FOXK2: variants seen among roughly 807,000 people sequenced by gnomAD.
FOXK2 encodes forkhead box K2, also known as forkhead box protein K2.
Under a neutral mutation model 53.3 loss-of-function variants are expected in FOXK2, and 24 were observed. That is an observed-to-expected ratio of 0.45 (90% CI 0.33 to 0.63). FOXK2 has a LOEUF of 0.63. FOXK2 is among the 30% of genes least tolerant of loss of function. The pLI is 0.03. For synonymous variants in FOXK2, 505 were observed against 407.1 expected, an observed-to-expected ratio of 1.24 and a Z score of -2.89; for missense variants, 952 against 910.5, an observed-to-expected ratio of 1.05 and a Z score of -0.59.
chr17:82,601,768 C>T lies in FOXK2; in HGVS notation c.*269C>T, dbSNP rs2045388895. Reference sequence around the variant, plus strand: ...CTACCTACGAGTGAAACTCTGTCCTCCCGCGAGGACCAGGCATCGCTGTGT... The same window carrying T: ...CTACCTACGAGTGAAACTCTGTCCTTCCGCGAGGACCAGGCATCGCTGTGT... On this transcript the variant is annotated 3_prime_UTR_variant, in exon 9 of 9. Coordinates refer to ENST00000335255, the MANE Select transcript of FOXK2 (RefSeq NM_004514.4). 2 of 363,678 alleles carry T rather than the reference C, an allele frequency of 5.5e-6. No homozygotes were observed. The highest frequency in any genetic ancestry group is 1.1e-4 in the South Asian group (2 of 18,596). 22.5% of individuals were successfully genotyped at this position (363,678 alleles called of 1,614,324 possible). A position where few individuals can be genotyped will look rare whatever the true frequency, so the allele number is the denominator to read the frequency against.
At chr17:82,581,883 A>T (rs192960905) in intron 4 of FOXK2, among the ~76,000 whole-genome samples, 1 of 152,152 alleles carries the variant, frequency 6.6e-6, no homozygotes, top group Non-Finnish European at 1.5e-5. Flanking sequence ...TGTAATAGAA[A>T]GAATGATGCA....
In FOXK2 at chr17:82,603,109, A is replaced by G. The variant is rs1242541996; in HGVS notation, c.*1610A>G. 1 of 152,556 alleles carries G rather than the reference A, an allele frequency of 6.6e-6. No individual in the cohort carries two copies. The highest frequency in any genetic ancestry group is 1.9e-4 in the East Asian group (1 of 5,194). 9.5% of individuals were successfully genotyped at this position (152,556 alleles called of 1,614,324 possible). ...GGGCAGCGTCACTGCGGTGACGCCC[A>G]TTGAAAGGTATGAAATGACTGCACA... On this transcript the variant is annotated 3_prime_UTR_variant, in exon 9 of 9. Transcript: ENST00000335255.
chr17:82,568,826 A>G (rs2143027587), intron 3 of FOXK2, among the ~76,000 whole-genome samples: 2 of 151,854 alleles, frequency 1.3e-5, no homozygotes, highest in South Asian at 2.1e-4. Flanking sequence ...CCTGGTCAAC[A>G]TGGTTAAACC....
At chr17:82,564,205 A>T (rs568474872) in intron 2 of FOXK2, among the ~76,000 whole-genome samples, 14 of 149,804 alleles carry the variant, frequency 9.3e-5, no homozygotes, top group African/African-American at 3.5e-4. Flanking sequence ...CTCCTGCCTC[A>T]GCCTCCTGAG....
At chr17:82,526,102 G>T (rs2044416423) in intron 1 of FOXK2, among the ~76,000 whole-genome samples, 1 of 152,194 alleles carries the variant, frequency 6.6e-6, no homozygotes, top group South Asian at 2.1e-4. Flanking sequence ...ATCAGAGACA[G>T]TATCTTCCAA....
intron 4 of FOXK2, chr17:82,578,429 G>A (rs921575176): frequency 1.3e-5 from 2 of 152,086 alleles, no homozygotes; most frequent in African/African-American, 4.8e-5. Flanking sequence ...AACAGCCCAC[G>A]TTTTCTCTGA....
intron 1 of FOXK2, among the ~76,000 whole-genome samples, chr17:82,546,546 C>T (rs1010176160): frequency 5.7e-4 from 86 of 152,182 alleles, no homozygotes; most frequent in South Asian, 6.2e-4. Flanking sequence ...CTGCAGGTCC[C>T]GAGTGGAGGG....
chr17:82,595,961 C>T, intron 8 of FOXK2: 5 of 1,223,314 alleles, frequency 4.1e-6, no homozygotes, highest in Non-Finnish European at 5.2e-6. Flanking sequence ...GAGACACCTA[C>T]AGCGTGGATG....
At chr17:82,558,690 A>G (rs1194963837) in intron 1 of FOXK2, among the ~76,000 whole-genome samples, 2 of 151,988 alleles carry the variant, frequency 1.3e-5, no homozygotes, top group African/African-American at 2.4e-5. Context: ...TTCAGGGTGG[A>G]CATGGAATAA....
intron 1 of FOXK2, among the ~76,000 whole-genome samples, chr17:82,529,825 A>G (rs147887445): frequency 9.2e-5 from 14 of 152,312 alleles, no homozygotes; most frequent in African/African-American, 2.9e-4. Context: ...AGAAGATACA[A>G]CTAGGTCCCT....
intron 8 of FOXK2, chr17:82,588,521 T>A: frequency 6.3e-6 from 1 of 157,962 alleles, no homozygotes; most frequent in Non-Finnish European, 1.4e-5. Context: ...CTGGTCTTAG[T>A]CACTCCCAGT....
At chr17:82,557,758 C>T (rs2044747216) in intron 1 of FOXK2, among the ~76,000 whole-genome samples, 1 of 152,204 alleles carries the variant, frequency 6.6e-6, no homozygotes, top group Admixed American at 6.5e-5. Context: ...AAGCAATCCT[C>T]CTGCCTCAGC....
Position 82,601,183 on chromosome 17 carries a change from C to A in FOXK2, c.1787-120C>A, listed in dbSNP as rs35004865. ...TGGGAGTGGCAGGACCCTTAGAGGG[C>A]GAGAGTTCACATGAGAGCGTGGGGT... On this transcript the variant is annotated intron_variant, in intron 8 of 8. Transcript: ENST00000335255. 5 of 1,094,210 alleles carry A rather than the reference C, an allele frequency of 4.6e-6. No individual in the cohort carries two copies. In the African/African-American group the frequency reaches 4.7e-5, roughly 10 times the overall value. 67.8% of individuals were successfully genotyped at this position (1,094,210 alleles called of 1,614,324 possible).
At chr17:82,577,431 C>G (rs73999995) in intron 4 of FOXK2, 4,767 of 405,836 alleles carry the variant, frequency 0.012, 232 homozygotes, top group African/African-American at 0.094. Flanking sequence ...CGCCTGTGGC[C>G]CAACCTGCAT....
At position 82,601,644 on chromosome 17, in the gene FOXK2, A is replaced by C; in HGVS notation, c.*145A>C. On this transcript the variant is annotated 3_prime_UTR_variant, in exon 9 of 9. Coordinates refer to ENST00000335255, the MANE Select transcript of FOXK2 (RefSeq NM_004514.4). The stretch of plus-strand genomic sequence containing the variant: ...AACCCAAAACCCAGCTGGCCTTAAC[A>C]CTCCTTAAAGACAGAAGTCACACTT... The C allele has an allele frequency of 4.2e-6, 3 of 720,362 alleles. No homozygotes were observed. Among genetic ancestry groups the C allele is most frequent in the Admixed American group, 3.0e-5 (1 of 33,666 alleles). 44.6% of individuals were successfully genotyped at this position (720,362 alleles called of 1,614,324 possible). A position where few individuals can be genotyped will look rare whatever the true frequency, so the allele number is the denominator to read the frequency against.
Position 82,601,217 on chromosome 17 carries a change from G to T in FOXK2, c.1787-86G>T, listed in dbSNP as rs532893391. ...ACATGAGAGCGTGGGGTTCTGACTC[G>T]CGAGGGTTCACGTGAGAGCGTGGGG... On this transcript the variant is annotated intron_variant, in intron 8 of 8. Transcript: ENST00000335255. 4.3e-6 allele frequency: 6 copies of T among 1,399,348 alleles called. No homozygotes were observed. The Admixed American group carries it at 5.8e-5, about 14-fold the overall frequency. 86.7% of individuals were successfully genotyped at this position (1,399,348 alleles called of 1,614,324 possible).
intron 4 of FOXK2, among the ~76,000 whole-genome samples, chr17:82,575,977 G>A (rs924282680): frequency 5.6e-5 from 7 of 125,578 alleles, no homozygotes; most frequent in Admixed American, 5.0e-4. Context: ...GGGTGGCGGC[G>A]GCGGGTTCGT....
At chr17:82,528,385 G>A (rs913264753) in intron 1 of FOXK2, among the ~76,000 whole-genome samples, 1 of 152,162 alleles carries the variant, frequency 6.6e-6, no homozygotes, top group Non-Finnish European at 1.5e-5. Flanking sequence ...AAAGCAGTTG[G>A]CATTTGGGTA....
At chr17:82,561,260 G>C (rs1268742925) in intron 1 of FOXK2, among the ~76,000 whole-genome samples, 1 of 152,172 alleles carries the variant, frequency 6.6e-6, no homozygotes, top group Non-Finnish European at 1.5e-5. Flanking sequence ...TGGGAGAGGA[G>C]CGTGGGCTGG....
Sources: allele counts gnomAD v4.1 joint callset (sites outside exome capture counted in the v4.1 genomes callset), GRCh38; gene constraint gnomAD v4.1.1; transcripts MANE v1.5; gene names NCBI Gene and HGNC (gene_info 2026-07-23, HGNC 2026-07-21).